GPD2: variants seen among roughly 807,000 people sequenced by gnomAD.
GPD2 encodes glycerol-3-phosphate dehydrogenase 2.
Under a neutral mutation model 82.4 loss-of-function variants are expected in GPD2, and 54 were observed. That is an observed-to-expected ratio of 0.66 (90% CI 0.53 to 0.82). GPD2 has a LOEUF of 0.82. Among genes scored for constraint, GPD2 ranks in the 40% least tolerant of loss-of-function variants. GPD2 has a pLI of 0.00. For synonymous variants in GPD2, 288 were observed against 306.1 expected (o/e 0.94, Z 0.62); for missense variants, 748 against 896.2 (o/e 0.83, Z 2.11).
intron 5 of GPD2, among the ~76,000 whole-genome samples, chr2:156,512,905 G>A (rs1685054850): frequency 6.6e-6 from 1 of 152,144 alleles, no homozygotes; most frequent in Non-Finnish European, 1.5e-5. Context: ...GTAGGGGGCT[G>A]GAAACAGATT....
intron 1 of GPD2, among the ~76,000 whole-genome samples, chr2:156,449,875 C>T (rs1319005261): frequency 8.7e-5 from 2 of 22,998 alleles, no homozygotes; most frequent in African/African-American, 1.5e-4. Flanking sequence ...AAAAGCCGGG[C>T]ATGGTGGCAC....
At chr2:156,430,386 G>A (rs1688304322), upstream of GPD2, among the ~76,000 whole-genome samples, 1 of 152,264 alleles carries the variant, frequency 6.6e-6, no homozygotes, top group Admixed American at 6.5e-5. Context: ...TTATGCTGAG[G>A]ATTAAGGATT....
At chr2:156,430,361 A>G (rs2105123543), upstream of GPD2, among the ~76,000 whole-genome samples, 2 of 152,332 alleles carry the variant, frequency 1.3e-5, no homozygotes, top group Admixed American at 1.3e-4. Flanking sequence ...ACAGAAAAAC[A>G]AAATACTTAC....
chr2:156,520,774 T>C (rs1298669835), intron 6 of GPD2, among the ~76,000 whole-genome samples: 1 of 151,868 alleles, frequency 6.6e-6, no homozygotes, highest in Non-Finnish European at 1.5e-5. Flanking sequence ...TCAGTAGAGA[T>C]GGGGTTTCAC....
chr2:156,459,023 A>G (rs1248903012), intron 1 of GPD2, among the ~76,000 whole-genome samples: 2 of 151,448 alleles, frequency 1.3e-5, no homozygotes, highest in South Asian at 4.2e-4. Flanking sequence ...ATATATATAT[A>G]TATACACACA....
At chr2:156,535,196 T>C (rs1686016455) in intron 6 of GPD2, among the ~76,000 whole-genome samples, 1 of 151,620 alleles carries the variant, frequency 6.6e-6, no homozygotes, top group Non-Finnish European at 1.5e-5. Flanking sequence ...TTGATACAGG[T>C]ACTCAGGGTG....
intron 2 of GPD2, among the ~76,000 whole-genome samples, chr2:156,489,327 T>C (rs1325469423): frequency 6.6e-6 from 1 of 152,220 alleles, no homozygotes; most frequent in South Asian, 2.1e-4. Context: ...AGTAGTGTGC[T>C]AAGCAGAGAA....
chr2:156,568,990 CTTTTTTT>C, intron 10 of GPD2, 31 bp downstream of exon 10: 10 of 1,253,294 alleles, frequency 8.0e-6, no homozygotes, highest in Non-Finnish European at 1.1e-5. Context: ...ATTTTCTTTT[CTTTTTTT>C]TTTTTTTTTG....
chr2:156,468,828 C>T (rs922897143), intron 1 of GPD2, among the ~76,000 whole-genome samples: 1 of 152,062 alleles, frequency 6.6e-6, no homozygotes, highest in Non-Finnish European at 1.5e-5. Flanking sequence ...GCATTTATTT[C>T]TTTGTGTTAC....
chr2:156,543,207 C>T (rs1243028236), intron 6 of GPD2, among the ~76,000 whole-genome samples: 2 of 152,142 alleles, frequency 1.3e-5, no homozygotes, highest in East Asian at 3.8e-4. Flanking sequence ...AATAGTCCCC[C>T]TTGATCCCAT....
intron 1 of GPD2, among the ~76,000 whole-genome samples, chr2:156,459,325 G>C (rs1682900394): frequency 6.6e-6 from 1 of 152,088 alleles, no homozygotes; most frequent in African/African-American, 2.4e-5. Flanking sequence ...GTCCGGTTTA[G>C]GTGGTAAAAA....
At chr2:156,443,812 C>A (rs1399375599) in intron 1 of GPD2, among the ~76,000 whole-genome samples, 2 of 152,172 alleles carry the variant, frequency 1.3e-5, no homozygotes, top group Non-Finnish European at 2.9e-5. Context: ...CTCCCTTCCC[C>A]CTACTTACCC....
chr2:156,416,632 G>C, the GPD2 span, among the ~76,000 whole-genome samples: 2 of 151,390 alleles, frequency 1.3e-5, no homozygotes, highest in Non-Finnish European at 2.9e-5. Context: ...CAAAGTGCTA[G>C]GATTATAGGT....
intron 6 of GPD2, among the ~76,000 whole-genome samples, chr2:156,530,688 T>C (rs1191744147): frequency 6.6e-6 from 1 of 152,120 alleles, no homozygotes; most frequent in African/African-American, 2.4e-5. Flanking sequence ...ATTGAGATAA[T>C]CATGTGGTTT....
At chr2:156,408,711 TA>T in the GPD2 span, among the ~76,000 whole-genome samples, 597 of 82,024 alleles carry the variant, frequency 7.3e-3, 3 homozygotes, top group African/African-American at 0.012. Flanking sequence ...CTGCACCTGG[TA>T]AAAAAAAAAA....
At chr2:156,424,806 T>C in the GPD2 span, among the ~76,000 whole-genome samples, 9 of 152,314 alleles carry the variant, frequency 5.9e-5, no homozygotes, top group South Asian at 1.7e-3. Flanking sequence ...AATTCCCCCA[T>C]GACAACAATG....
At position 156,523,670 on chromosome 2, in the gene GPD2, CTAGATAGATAGATAGA is replaced by C. The variant is rs3086039; in HGVS notation, c.661+10209_661+10224del. 5.2e-3 allele frequency among the ~76,000 whole-genome samples: 770 copies of C among 146,698 alleles called. 3 individuals are homozygous for C. Among genetic ancestry groups the C allele is most frequent in the African/African-American group, 0.01 (414 of 39,628 alleles). ...AAATTGTTCAACAATAATTTCTTTTCTAGATAGATAGATAGATAGATAGATAGATAGATAGATAGAT... is the reference window on the plus strand; with the variant it reads ...AAATTGTTCAACAATAATTTCTTTTCTAGATAGATAGATAGATAGATAGAT... On this transcript the variant is annotated intron_variant, in intron 6 of 16. Transcript: ENST00000438166.
chr2:156,560,183 A>T (rs1378228379), intron 9 of GPD2, among the ~76,000 whole-genome samples: 1 of 152,198 alleles, frequency 6.6e-6, no homozygotes, highest in Non-Finnish European at 1.5e-5. Context: ...GGGTTCCAGA[A>T]GGCTGCCGTG....
intron 1 of GPD2, among the ~76,000 whole-genome samples, chr2:156,458,408 A>G (rs1682860211): frequency 6.6e-6 from 1 of 152,170 alleles, no homozygotes; most frequent in Admixed American, 6.5e-5. Flanking sequence ...AAAACTGCAA[A>G]TCCCCGAGGG....
Sources: allele counts gnomAD v4.1 joint callset (sites outside exome capture counted in the v4.1 genomes callset), GRCh38; gene constraint gnomAD v4.1.1; transcripts MANE v1.5; gene names NCBI Gene and HGNC (gene_info 2026-07-23, HGNC 2026-07-21).